Variants in ANKRD36C observed in about 807,000 individuals in gnomAD.
ANKRD36C encodes ankyrin repeat domain-containing protein 36C.
In ANKRD36C, 61 loss-of-function variants were observed where a neutral mutation model predicts 276.4. That is an observed-to-expected ratio of 0.22 (90% CI 0.18 to 0.27). The LOEUF is 0.27. Among genes scored for constraint, ANKRD36C ranks in the 10% least tolerant of loss-of-function variants. ANKRD36C has a pLI of 1.00. For missense variants in ANKRD36C, 1,447 were observed against 2,032.3 expected (o/e 0.71, Z 5.54); for synonymous variants, 483 against 680.1 (o/e 0.71, Z 4.51).
intron 54 of ANKRD36C, among the ~76,000 whole-genome samples, chr2:95,883,045 G>C (rs1246078766): frequency 1.3e-5 from 2 of 152,054 alleles, no homozygotes; most frequent in Non-Finnish European, 2.9e-5. Context: ...TATAGGTTTG[G>C]ATAATCCTGT....
intron 65 of ANKRD36C, 132 bp downstream of exon 85, chr2:95,851,994 A>G (rs1675303547): frequency 2.1e-5 from 24 of 1,145,112 alleles, no homozygotes; most frequent in Non-Finnish European, 2.7e-5. Flanking sequence ...GTATGTCAAT[A>G]TAGCTTACAG....
At chr2:95,960,971 TAAA>T (rs1259226202) in intron 8 of ANKRD36C, among the ~76,000 whole-genome samples, 3 of 152,082 alleles carry the variant, frequency 2.0e-5, no homozygotes, top group African/African-American at 7.2e-5. Context: ...AAATGTGATC[TAAA>T]ATCAGAGCAG....
chr2:95,925,120 C>T (rs1677368349), intron 30 of ANKRD36C, among the ~76,000 whole-genome samples: 1 of 151,582 alleles, frequency 6.6e-6, no homozygotes, highest in African/African-American at 2.4e-5. Context: ...AACTGTTTTC[C>T]AATGGTTCTT....
At chr2:95,854,501 C>A (rs1675364247) in intron 63 of ANKRD36C, among the ~76,000 whole-genome samples, 1 of 152,044 alleles carries the variant, frequency 6.6e-6, no homozygotes, top group African/African-American at 2.4e-5. Flanking sequence ...GATAGCTATG[C>A]CTCTCTTTGT....
chr2:95,962,414 C>T (rs775860206), exon 8 of ANKRD36C: 5 of 1,571,860 alleles, frequency 3.2e-6, no homozygotes, highest in Non-Finnish European at 4.3e-6. Flanking sequence ...ATCTTCCTTG[C>T]CACTTGTAGC....
At chr2:95,966,633 C>A (rs933270141) in intron 6 of ANKRD36C, among the ~76,000 whole-genome samples, 6 of 152,052 alleles carry the variant, frequency 3.9e-5, no homozygotes, top group African/African-American at 1.4e-4. Flanking sequence ...TTAGGATTGT[C>A]TTGGCTATAT....
chr2:95,893,824 T>C lies in ANKRD36C; in HGVS notation c.2756-1964A>G. 3.2e-6 allele frequency: 5 copies of C among 1,578,412 alleles called. 1 individual carries two copies. Among genetic ancestry groups the C allele is most frequent in the Non-Finnish European group, 3.4e-6 (4 of 1,164,904 alleles). On this transcript the variant is annotated intron_variant, in intron 44 of 66. Transcript: ENST00000456556. ...GCATCAAACTCTGTCCTCCTGCCTG[T>C]ATTAGCGTAGGCTTTAATGGCTTCT...
intron 59 of ANKRD36C, among the ~76,000 whole-genome samples, chr2:95,873,151 T>A (rs1433021001): frequency 1.3e-5 from 2 of 152,094 alleles, no homozygotes; most frequent in Non-Finnish European, 2.9e-5. Flanking sequence ...GAGGGAACCC[T>A]CCCTAACTCA....
intron 6 of ANKRD36C, among the ~76,000 whole-genome samples, chr2:95,964,886 C>G (rs1678555322): frequency 6.6e-6 from 1 of 151,952 alleles, no homozygotes; most frequent in African/African-American, 2.4e-5. Flanking sequence ...ACACATAAAA[C>G]CACTATGTCT....
intron 59 of ANKRD36C, among the ~76,000 whole-genome samples, chr2:95,875,330 C>G (rs1675918305): frequency 6.6e-6 from 1 of 151,916 alleles, no homozygotes; most frequent in African/African-American, 2.4e-5. Context: ...CACATATACA[C>G]CATGGAATAC....
intron 6 of ANKRD36C, among the ~76,000 whole-genome samples, chr2:95,964,596 C>T (rs536699084): frequency 3.9e-5 from 6 of 152,172 alleles, no homozygotes; most frequent in Middle Eastern, 3.4e-3. Flanking sequence ...ACTTGACTAA[C>T]GTGTACAAAT....
At chr2:95,963,972 A>AATATATATATATATATATATATATAT (rs1160108122) in intron 6 of ANKRD36C, among the ~76,000 whole-genome samples, 3 of 48,996 alleles carry the variant, frequency 6.1e-5, no homozygotes, top group Non-Finnish European at 1.1e-4. Flanking sequence ...TATATATATA[A>AATATATATATATATATATATATATAT]ATATATATAT....
chr2:95,894,680 G>A (rs553049186), intron 44 of ANKRD36C, among the ~76,000 whole-genome samples: 2 of 151,434 alleles, frequency 1.3e-5, no homozygotes, highest in East Asian at 2.0e-4. Flanking sequence ...TCATATTCAC[G>A]TTTATCTCAT....
At chr2:95,966,478 T>C (rs1384078764) in intron 6 of ANKRD36C, among the ~76,000 whole-genome samples, 1 of 152,194 alleles carries the variant, frequency 6.6e-6, no homozygotes, top group African/African-American at 2.4e-5. Flanking sequence ...GGTGTCGATG[T>C]ATGGCATTAT....
intron 17 of ANKRD36C, among the ~76,000 whole-genome samples, chr2:95,948,004 A>AT (rs1678099115): frequency 6.6e-6 from 1 of 152,088 alleles, no homozygotes; most frequent in Non-Finnish European, 1.5e-5. Flanking sequence ...AGAACCAAGA[A>AT]TAAAAATAAA....
Position 95,951,424 on chromosome 2 carries a change from A to C in ANKRD36C, c.1204-16T>G, listed in dbSNP as rs1178210248. ...TTGAAATAATCTAGAAGAAAAACAC[A>C]ATAGGTTTAAGAATAACATGGAGCA... On this transcript the variant is annotated splice_polypyrimidine_tract_variant and intron_variant, in intron 14 of 66. Transcript: ENST00000456556. The C allele has an allele frequency of 4.1e-6, 6 of 1,461,732 alleles. No individual in the cohort carries two copies. The Admixed American group carries it at 9.9e-5, about 24-fold the overall frequency. The allele number at this position is 1,461,732 out of a possible 1,614,324, so 90.5% of individuals were successfully genotyped here. A position where few individuals can be genotyped will look rare whatever the true frequency, so the allele number is the denominator to read the frequency against.
At chr2:95,890,181 T>A (rs1444730686) in intron 46 of ANKRD36C, among the ~76,000 whole-genome samples, 187 bp from the exon 67 acceptor site, 2 of 151,600 alleles carry the variant, frequency 1.3e-5, no homozygotes, top group Admixed American at 6.6e-5. Context: ...ACAGGCTCCA[T>A]GAAATATATC....
intron 59 of ANKRD36C, among the ~76,000 whole-genome samples, chr2:95,874,218 C>G (rs910725609): frequency 2.5e-4 from 38 of 152,284 alleles, no homozygotes; most frequent in Admixed American, 6.5e-4. Flanking sequence ...CCCGCATCAC[C>G]AAGTCAATCC....
At chr2:95,968,145 A>G (rs1196089402) in intron 6 of ANKRD36C, among the ~76,000 whole-genome samples, 3 of 152,154 alleles carry the variant, frequency 2.0e-5, no homozygotes, top group Admixed American at 6.6e-5. Flanking sequence ...TGTAGGAAAA[A>G]AAGTATAAGA....
Sources: gnomAD v4.1 joint callset for allele counts (sites outside exome capture counted in the v4.1 genomes callset) on GRCh38, gnomAD v4.1.1 for gene constraint, MANE v1.5 for transcripts, NCBI Gene and HGNC (gene_info 2026-07-23, HGNC 2026-07-21) for gene names.